OR2L13: variants seen among roughly 807,000 people sequenced by gnomAD.
OR2L13 encodes olfactory receptor family 2 subfamily L member 13.
A neutral mutation model predicts 15.3 loss-of-function variants in OR2L13; 14 were observed. That is an observed-to-expected ratio of 0.91 (90% confidence interval 0.60 to 1.43). OR2L13 has a LOEUF of 1.43. OR2L13 is among the 40% of genes most tolerant of loss of function. OR2L13 has a pLI of 0.00. For missense variants in OR2L13, 367 were observed against 387.9 expected (o/e 0.95, Z 0.45); for synonymous variants, 152 against 142.9 (o/e 1.06, Z -0.45).
At chr1:247,950,270 A>G in the OR2L13 span, among the ~76,000 whole-genome samples, 14 of 152,012 alleles carry the variant, frequency 9.2e-5, no homozygotes, top group Non-Finnish European at 1.9e-4. Flanking sequence ...TCTTTCTTTC[A>G]ATTTAGGGGG....
the OR2L13 span, among the ~76,000 whole-genome samples, chr1:248,016,359 A>G: frequency 1.1e-3 from 168 of 152,290 alleles, no homozygotes; most frequent in Non-Finnish European, 1.1e-3. Flanking sequence ...TATGTTGGGA[A>G]CATGGTGGAA....
chr1:248,005,529 G>C, the OR2L13 span, among the ~76,000 whole-genome samples: 1 of 151,984 alleles, frequency 6.6e-6, no homozygotes. Context: ...TGACTATTTG[G>C]GGTCTTTTAT....
chr1:248,100,329 A>G, exon 3 of OR2L13: 1 of 1,456,728 alleles, frequency 6.9e-7, no homozygotes, highest in Non-Finnish European at 9.6e-7. Flanking sequence ...GGCCATCCCC[A>G]CTCCCTTTGT....
At chr1:247,997,380 T>C in the OR2L13 span, among the ~76,000 whole-genome samples, 1 of 152,120 alleles carries the variant, frequency 6.6e-6, no homozygotes, top group African/African-American at 2.4e-5. Context: ...TAGGAGAAAA[T>C]CACTTTATAA....
the OR2L13 span, among the ~76,000 whole-genome samples, chr1:248,081,636 A>T: frequency 6.6e-6 from 1 of 152,322 alleles, no homozygotes; most frequent in African/African-American, 2.4e-5. Context: ...GACAGAATTT[A>T]TGCAGTTCTG....
At chr1:247,975,495 T>C in the OR2L13 span, 2 of 917,716 alleles carry the variant, frequency 2.2e-6, no homozygotes, top group East Asian at 2.5e-5. Context: ...CTTATACCTA[T>C]CTATATCCAA....
At chr1:247,973,094 A>G in the OR2L13 span, among the ~76,000 whole-genome samples, 13 of 152,132 alleles carry the variant, frequency 8.5e-5, no homozygotes, top group African/African-American at 3.1e-4. Context: ...TGCTAAAAAC[A>G]CTCAATAAAT....
chr1:248,060,601 G>A, the OR2L13 span: 1 of 1,094,102 alleles, frequency 9.1e-7, no homozygotes, highest in Non-Finnish European at 1.4e-6. Context: ...GGCTTCAAAT[G>A]CATTCCCTGC....
chr1:248,013,117 C>T, the OR2L13 span, among the ~76,000 whole-genome samples: 1 of 151,464 alleles, frequency 6.6e-6, no homozygotes, highest in Non-Finnish European at 1.5e-5. Flanking sequence ...AAAGATAACT[C>T]CAATATGTGA....
the OR2L13 span, chr1:248,038,854 G>A: frequency 3.1e-6 from 5 of 1,614,174 alleles, no homozygotes; most frequent in South Asian, 1.1e-5. Flanking sequence ...GTCTATGAGA[G>A]CACAGTGTTT....
At chr1:247,939,591 C>G in the OR2L13 span, 1 of 152,280 alleles carries the variant, frequency 6.6e-6, no homozygotes, top group Non-Finnish European at 1.5e-5. Flanking sequence ...AAAATATGCT[C>G]TAGAGCAACA....
chr1:248,058,771 G>A, the OR2L13 span, among the ~76,000 whole-genome samples: 1 of 151,618 alleles, frequency 6.6e-6, no homozygotes, highest in Admixed American at 6.6e-5. Context: ...TTATTATTTT[G>A]CTATATGCAT....
chr1:248,032,571 C>A, the OR2L13 span, among the ~76,000 whole-genome samples: 525 of 152,274 alleles, frequency 3.4e-3, 10 homozygotes, highest in African/African-American at 0.012. Context: ...ATAAATTTGA[C>A]TACTCTGGGT....
the OR2L13 span, among the ~76,000 whole-genome samples, chr1:248,042,877 A>G: frequency 6.6e-6 from 1 of 152,216 alleles, no homozygotes; most frequent in Non-Finnish European, 1.5e-5. Flanking sequence ...TTATCAGCTA[A>G]GATTCTTAAC....
At chr1:248,061,519 C>T in the OR2L13 span, 1 of 1,613,902 alleles carries the variant, frequency 6.2e-7, no homozygotes, top group Non-Finnish European at 8.5e-7. Flanking sequence ...CTACACCACC[C>T]TCACTCCAAT....
the OR2L13 span, among the ~76,000 whole-genome samples, chr1:248,069,729 T>G: frequency 6.6e-6 from 1 of 152,060 alleles, no homozygotes; most frequent in Non-Finnish European, 1.5e-5. Context: ...TCAGGAAACC[T>G]ATCTCATGTG....
chr1:248,047,764 G>A, the OR2L13 span, among the ~76,000 whole-genome samples: 1 of 152,200 alleles, frequency 6.6e-6, no homozygotes, highest in South Asian at 2.1e-4. Flanking sequence ...TACAGTCATA[G>A]CGGATAAGAA....
At chr1:248,014,473 A>T in the OR2L13 span, among the ~76,000 whole-genome samples, 3 of 152,098 alleles carry the variant, frequency 2.0e-5, no homozygotes, top group African/African-American at 7.2e-5. Context: ...TTTGCAATAT[A>T]TTTATTTTTT....
chr1:248,022,483 A>G, the OR2L13 span: 1 of 1,614,140 alleles, frequency 6.2e-7, no homozygotes, highest in Non-Finnish European at 8.5e-7. Flanking sequence ...TTTTTCTGTG[A>G]TGTTCCAGCT....
Sources: allele counts gnomAD v4.1 joint callset (sites outside exome capture counted in the v4.1 genomes callset), GRCh38; gene constraint gnomAD v4.1.1; transcripts MANE v1.5; gene names NCBI Gene and HGNC (gene_info 2026-07-23, HGNC 2026-07-21).